ANK3: variants seen among roughly 807,000 people sequenced by gnomAD.
The protein encoded by ANK3 is ankyrin-3.
ANK3 carries 57 observed loss-of-function variants against 370.9 expected under a neutral mutation model. That is an observed-to-expected ratio of 0.15 (90% confidence interval 0.12 to 0.19). The LOEUF (loss-of-function observed/expected upper bound fraction) is 0.19. Among genes scored for constraint, ANK3 ranks in the 10% least tolerant of loss-of-function variants. The probability of loss-of-function intolerance (pLI) is 1.00; values close to 1 mark genes in which losing one functional copy is unlikely to be tolerated. For missense variants in ANK3, 4,439 were observed against 5,302.1 expected (o/e 0.84, Z 5.06); for synonymous variants, 1,929 against 1,946.3 (o/e 0.99, Z 0.23).
At chr10:60,671,604 G>A (rs1204478968) in intron 1 of ANK3, among the ~76,000 whole-genome samples, 4 of 152,230 alleles carry the variant, frequency 2.6e-5, no homozygotes, top group Non-Finnish European at 5.9e-5. Flanking sequence ...GGTAGGTCAG[G>A]AATGTGTGCC....
Position 60,071,367 on chromosome 10 carries a change from G to A in ANK3, c.9514C>T (p.Pro3172Ser). Residue 3172 changes from proline to serine, a missense_variant, in exon 37 of 44, where the codon CCC (proline) becomes TCC (serine). Physicochemically the swap from Pro to Ser is moderately conservative, Grantham distance 74. Around this residue, in one of 13 missense-constraint regions of ANK3, gnomAD observed 1,601 missense variants for 1,731.7 expected, o/e 0.92. Transcript: ENST00000280772. Reference protein sequence around the residue: ...SGKSPLTPETPSSEEVSYEFT... With the variant: ...SGKSPLTPETSSSEEVSYEFT... ...TCATAACTCACTTCCTCTGAACTGG[G>A]TGTTTCTGGGGTTAAAGGGCTTTTC... is the stretch of plus-strand genomic sequence containing the variant. 2 of 1,614,072 alleles carry A rather than the reference G, an allele frequency of 1.2e-6. No individual in the cohort carries two copies. The highest frequency in any genetic ancestry group is 1.7e-6 in the Non-Finnish European group (2 of 1,180,004).
At chr10:60,143,519 C>T (rs1265836462) in intron 23 of ANK3, among the ~76,000 whole-genome samples, 1 of 152,164 alleles carries the variant, frequency 6.6e-6, no homozygotes, top group Non-Finnish European at 1.5e-5. Flanking sequence ...ACCAAGATCA[C>T]ATATTTTCAC....
chr10:60,356,134 G>A (rs1015336698), intron 1 of ANK3, among the ~76,000 whole-genome samples: 3 of 152,144 alleles, frequency 2.0e-5, no homozygotes, highest in Non-Finnish European at 4.4e-5. Context: ...AATAATCTGA[G>A]GCATGGTGAG....
chr10:60,250,632 TGGGATTACG>T (rs2097647995), intron 7 of ANK3, among the ~76,000 whole-genome samples: 1 of 152,200 alleles, frequency 6.6e-6, no homozygotes, highest in Non-Finnish European at 1.5e-5. Context: ...CCCAAAGTTC[TGGGATTACG>T]GGCATGAGCC....
At chr10:60,600,755 T>A (rs755615024) in intron 2 of ANK3, among the ~76,000 whole-genome samples, 8 of 152,130 alleles carry the variant, frequency 5.3e-5, no homozygotes, top group Non-Finnish European at 1.2e-4. Context: ...TGATTAGATA[T>A]TAGATATTAA....
chr10:60,092,406 A>G (rs1302621545), intron 28 of ANK3, among the ~76,000 whole-genome samples: 1 of 152,192 alleles, frequency 6.6e-6, no homozygotes, highest in African/African-American at 2.4e-5. Context: ...AAAATGAATG[A>G]TTAGGTAATT....
At chr10:60,684,439 C>T (rs576996413) in intron 1 of ANK3, 13 of 903,516 alleles carry the variant, frequency 1.4e-5, no homozygotes, top group South Asian at 1.0e-4. Flanking sequence ...GGATCACCTA[C>T]GAAGAGAAGT....
At position 60,364,287 on chromosome 10, in the gene ANK3, C is replaced by T. The variant is rs144806130; in HGVS notation, c.114+25138G>A. ...CCAGCCTGGGTGACAGAGCAAGACT[C>T]GGTCTCAAAAAAAAAAAAAGAGAAA... On this transcript the variant is annotated intron_variant, in intron 1 of 43. Coordinates refer to ENST00000280772, the MANE Select transcript of ANK3 (RefSeq NM_020987.5). 7.5e-3 allele frequency among the ~76,000 whole-genome samples: 731 copies of T among 97,254 alleles called. 4 individuals are homozygous for T. The highest frequency in any genetic ancestry group is 0.027 in the African/African-American group (694 of 25,656). The allele number at this position is 97,254 out of a possible 152,430, so 63.8% of individuals were successfully genotyped here.
At chr10:60,232,961 A>G (rs1481621824) in intron 8 of ANK3, among the ~76,000 whole-genome samples, 1 of 152,234 alleles carries the variant, frequency 6.6e-6, no homozygotes, top group African/African-American at 2.4e-5. Flanking sequence ...GAATTTTTAG[A>G]AGAAGGAAGC....
chr10:60,081,859 T>A (rs1347739507), intron 35 of ANK3: 2 of 267,588 alleles, frequency 7.5e-6, no homozygotes, highest in Non-Finnish European at 1.4e-5. Flanking sequence ...TCTAAAAAAA[T>A]TTTTAACGTT....
chr10:60,635,579 A>C (rs2078542769), intron 1 of ANK3, among the ~76,000 whole-genome samples: 1 of 152,170 alleles, frequency 6.6e-6, no homozygotes, highest in Non-Finnish European at 1.5e-5. Context: ...TATGACCTCT[A>C]TACTAGTAAA....
At chr10:60,512,412 CT>C (rs985947889) in intron 2 of ANK3, among the ~76,000 whole-genome samples, 2 of 152,094 alleles carry the variant, frequency 1.3e-5, no homozygotes, top group Admixed American at 6.6e-5. Flanking sequence ...AAAAGCACTA[CT>C]GATTTTAAGT....
chr10:60,166,859 GT>G lies in ANK3; in HGVS notation c.2515del (p.Thr839ArgfsTer2). On this transcript the variant is annotated frameshift_variant, in exon 22 of 44. Coordinates refer to ENST00000280772, the MANE Select transcript of ANK3 (RefSeq NM_020987.5). LOFTEE classifies it high-confidence loss of function. The stretch of plus-strand genomic sequence containing the variant: ...AGACATATCAAGAACTTCATTCATC[GT>G]TTCTGGAACATTCATTTTGTGCTTC... ...TEKHKMNVPETMNEVLDMSDD... is the reference protein window; with the variant it reads ...TEKHKMNVPEXMNEVLDMSDD... 1 of 1,613,850 alleles carries G rather than the reference GT, an allele frequency of 6.2e-7. No homozygotes were observed. The highest frequency in any genetic ancestry group is 8.5e-7 in the Non-Finnish European group (1 of 1,179,926).
At chr10:60,130,774 G>A (rs899521147) in intron 25 of ANK3, among the ~76,000 whole-genome samples, 15 of 152,146 alleles carry the variant, frequency 9.9e-5, no homozygotes, top group African/African-American at 3.6e-4. Flanking sequence ...CTTCTCCTCT[G>A]TATCTATAAT....
chr10:60,522,849 A>T (rs954950843), intron 2 of ANK3, among the ~76,000 whole-genome samples: 3 of 152,150 alleles, frequency 2.0e-5, no homozygotes, highest in Non-Finnish European at 2.9e-5. Context: ...CCAGTAAGAC[A>T]TTACAACCAG....
At chr10:60,632,178 A>ATTT (rs2078492798) in intron 1 of ANK3, among the ~76,000 whole-genome samples, 2 of 80,032 alleles carry the variant, frequency 2.5e-5, no homozygotes, top group Non-Finnish European at 5.7e-5. Flanking sequence ...AAAAAATACC[A>ATTT]TTTAATGTTA....
intron 1 of ANK3, among the ~76,000 whole-genome samples, chr10:60,650,970 C>A (rs1270609676): frequency 1.3e-5 from 2 of 152,122 alleles, no homozygotes; most frequent in African/African-American, 4.8e-5. Context: ...GTGGCACACA[C>A]CTGTAGTTCC....
chr10:60,546,505 AAG>A (rs1424094866), intron 2 of ANK3, among the ~76,000 whole-genome samples: 1 of 152,248 alleles, frequency 6.6e-6, no homozygotes, highest in African/African-American at 2.4e-5. Context: ...TTAAAAATTT[AAG>A]GTAAATACTA....
rs886476565 is a variant in ANK3, at chr10:60,475,699, C to T, written c.96+139487G>A. Reference sequence around the variant, plus strand: ...TCTCCTCAAAGGAGAGAACATATTACTAAGTGATAATTATTCCCACTACCT... The same window carrying T: ...TCTCCTCAAAGGAGAGAACATATTATTAAGTGATAATTATTCCCACTACCT... On this transcript the variant is annotated intron_variant, in intron 2 of 43. Transcript: ENST00000373827. Among the ~76,000 whole-genome samples, 2 of 152,118 alleles carry T rather than the reference C, an allele frequency of 1.3e-5. 1 individual carries two copies. Among genetic ancestry groups the T allele is most frequent in the Non-Finnish European group, 2.9e-5 (2 of 68,026 alleles).
Sources: gnomAD v4.1 joint callset for allele counts (sites outside exome capture counted in the v4.1 genomes callset) on GRCh38, gnomAD v4.1.1 for gene constraint, gnomAD v4.1.1 regional missense constraint, MANE v1.5 for transcripts, NCBI Gene and HGNC (gene_info 2026-07-23, HGNC 2026-07-21) for gene names.